Variants in UQCC1 observed in about 807,000 individuals in gnomAD.
The protein encoded by UQCC1 is ubiquinol-cytochrome c reductase complex assembly factor 1.
A neutral mutation model predicts 48.0 loss-of-function variants in UQCC1; 38 were observed. That is an observed-to-expected ratio of 0.79 (90% CI 0.61 to 1.04). The LOEUF is 1.04. UQCC1 is among the 50% of genes least tolerant of loss of function. The probability of loss-of-function intolerance (pLI) is 0.00; values close to 1 mark genes in which losing one functional copy is unlikely to be tolerated. For synonymous variants in UQCC1, 111 were observed against 129.2 expected (o/e 0.86, Z 0.95); for missense variants, 368 against 381.8 (o/e 0.96, Z 0.30).
chr20:35,392,104 C>T (rs1039650176), intron 2 of UQCC1: 1 of 592,350 alleles, frequency 1.7e-6, no homozygotes, highest in Non-Finnish European at 2.8e-6. Flanking sequence ...CATCCTACCA[C>T]TGCCTGAATA....
chr20:35,337,144 C>T (rs771561224), intron 7 of UQCC1, among the ~76,000 whole-genome samples: 1 of 151,994 alleles, frequency 6.6e-6, no homozygotes, highest in Non-Finnish European at 1.5e-5. Flanking sequence ...CTGTTGGGTC[C>T]CACCCCAGTT....
At chr20:35,362,354 CTT>C (rs1165001252) in intron 6 of UQCC1, among the ~76,000 whole-genome samples, 1 of 152,014 alleles carries the variant, frequency 6.6e-6, no homozygotes. Flanking sequence ...TGATATGAAA[CTT>C]TTATTTTATT....
intron 7 of UQCC1, chr20:35,344,860 A>C (rs1019656226): frequency 1.3e-5 from 2 of 152,252 alleles, no homozygotes; most frequent in Admixed American, 6.5e-5. Context: ...CCAAGGGAGG[A>C]TTAGAAGGTT....
chr20:35,328,742 C>T (rs772562605), intron 7 of UQCC1, among the ~76,000 whole-genome samples: 2 of 152,198 alleles, frequency 1.3e-5, no homozygotes, highest in Non-Finnish European at 2.9e-5. Flanking sequence ...CCTTGGGGCT[C>T]ACCTACTCTC....
intron 8 of UQCC1, among the ~76,000 whole-genome samples, chr20:35,310,666 A>AAAAAAT (rs1200004845): frequency 6.7e-6 from 1 of 148,354 alleles, no homozygotes; most frequent in Non-Finnish European, 1.5e-5. Flanking sequence ...AAAAAAAAAA[A>AAAAAAT]AATTGGGAAG....
chr20:35,319,819 T>C (rs567925687), intron 7 of UQCC1, among the ~76,000 whole-genome samples: 1 of 152,290 alleles, frequency 6.6e-6, no homozygotes, highest in Non-Finnish European at 1.5e-5. Context: ...GCCAGTTCAT[T>C]TGAGGCCAAT....
intron 7 of UQCC1, among the ~76,000 whole-genome samples, chr20:35,324,185 C>G (rs1338848875): frequency 6.6e-6 from 1 of 152,228 alleles, no homozygotes; most frequent in Admixed American, 6.5e-5. Context: ...CTGTATCTTT[C>G]CTTCCTGAGC....
intron 1 of UQCC1, among the ~76,000 whole-genome samples, chr20:35,404,776 C>T (rs1179978024): frequency 6.6e-6 from 1 of 151,980 alleles, no homozygotes; most frequent in Non-Finnish European, 1.5e-5. Context: ...AGAACTCACC[C>T]AGTGTGAAAA....
chr20:35,399,981 A>T (rs2062138635), intron 1 of UQCC1, among the ~76,000 whole-genome samples: 1 of 130,228 alleles, frequency 7.7e-6, no homozygotes, highest in Admixed American at 8.5e-5. Context: ...GCTGGAGTGC[A>T]GTGGCGCAAT....
At chr20:35,404,687 GAAA>G (rs1266831168) in intron 1 of UQCC1, among the ~76,000 whole-genome samples, 1 of 99,364 alleles carries the variant, frequency 1.0e-5, no homozygotes, top group Non-Finnish European at 2.2e-5. Flanking sequence ...GCTTGACTCT[GAAA>G]AAAAAAAAAA....
At chr20:35,374,339 T>C (rs1373918579) in intron 4 of UQCC1, 83 bp from the exon 5 acceptor site, 10 of 1,049,620 alleles carry the variant, frequency 9.5e-6, no homozygotes, top group Admixed American at 2.2e-5. Context: ...CAAAATCTTA[T>C]ATTTCTTCAA....
At chr20:35,305,390 C>T (rs1368563757) in intron 9 of UQCC1, among the ~76,000 whole-genome samples, 1 of 152,218 alleles carries the variant, frequency 6.6e-6, no homozygotes, top group African/African-American at 2.4e-5. Flanking sequence ...TCCTAGAGGG[C>T]CCTCGGAGAA....
intron 2 of UQCC1, among the ~76,000 whole-genome samples, chr20:35,387,157 G>T (rs1162656575): frequency 8.6e-5 from 13 of 151,924 alleles, no homozygotes; most frequent in Admixed American, 7.2e-4. Context: ...ATGGTGGTGT[G>T]TGCCTGTAAT....
chr20:35,372,168 C>T (rs1203034011), intron 5 of UQCC1, among the ~76,000 whole-genome samples: 2 of 151,586 alleles, frequency 1.3e-5, no homozygotes, highest in African/African-American at 2.4e-5. Flanking sequence ...AAAAATTAGC[C>T]GGGCATGGTA....
chr20:35,310,865 T>C (rs1325853985), intron 8 of UQCC1, among the ~76,000 whole-genome samples: 3 of 147,110 alleles, frequency 2.0e-5, no homozygotes, highest in Non-Finnish European at 4.5e-5. Flanking sequence ...GCTAATTTTT[T>C]TTTTTTTTTT....
intron 7 of UQCC1, among the ~76,000 whole-genome samples, chr20:35,319,734 G>A (rs2061101835): frequency 6.6e-6 from 1 of 152,148 alleles, no homozygotes; most frequent in Non-Finnish European, 1.5e-5. Context: ...CACAAGTAAG[G>A]CAATAATGAA....
At chr20:35,400,181 T>C in intron 1 of UQCC1, among the ~76,000 whole-genome samples, 1 of 151,918 alleles carries the variant, frequency 6.6e-6, no homozygotes, top group East Asian at 2.0e-4. Context: ...CGGCCTCGGC[T>C]TCCCAAAGTG....
intron 6 of UQCC1, among the ~76,000 whole-genome samples, chr20:35,349,922 G>T (rs1038316653): frequency 6.6e-6 from 1 of 152,074 alleles, no homozygotes; most frequent in African/African-American, 2.4e-5. Context: ...CCTCCCAAAA[G>T]GTCAAGGCTG....
intron 7 of UQCC1, among the ~76,000 whole-genome samples, chr20:35,328,529 G>A (rs978772996): frequency 1.3e-5 from 2 of 152,178 alleles, no homozygotes; most frequent in Non-Finnish European, 2.9e-5. Context: ...TTTACGGAGA[G>A]AAAACTGAGG....
Sources: allele counts gnomAD v4.1 joint callset (sites outside exome capture counted in the v4.1 genomes callset), GRCh38; gene constraint gnomAD v4.1.1; transcripts MANE v1.5; gene names NCBI Gene and HGNC (gene_info 2026-07-23, HGNC 2026-07-21).